Variants in BGN observed in about 807,000 individuals in gnomAD.
BGN encodes biglycan, also known as bone/cartilage proteoglycan-I.
A neutral mutation model predicts 20.0 loss-of-function variants in BGN; 6 were observed. That is an observed-to-expected ratio of 0.30 (90% CI 0.16 to 0.59). The LOEUF (loss-of-function observed/expected upper bound fraction) is 0.59. Ranked by LOEUF, BGN falls within the 20% of genes least tolerant of loss-of-function variation. BGN has a pLI of 0.88. For missense variants in BGN, 292 were observed against 312.1 expected, an observed-to-expected ratio of 0.94 and a Z score of 0.49; for synonymous variants, 146 against 134.6, an observed-to-expected ratio of 1.08 and a Z score of -0.59.
intron 4 of BGN, 96 bp downstream of exon 4, chrX:153,506,172 A>G: frequency 1.1e-6 from 1 of 888,972 alleles, no homozygotes; most frequent in Non-Finnish European, 1.6e-6. Context: ...TTCAAGAAAG[A>G]GTATGGTGAG....
At chrX:153,501,139 TGTGTGC>T (rs1382939525) in intron 1 of BGN, among the ~76,000 whole-genome samples, 2 of 111,999 alleles carry the variant, frequency 1.8e-5, no homozygotes, top group Non-Finnish European at 3.8e-5. Flanking sequence ...TTTGTATAGG[TGTGTGC>T]GTGTGCACGT....
At chrX:153,503,116 G>A (rs1376759082) in intron 1 of BGN, among the ~76,000 whole-genome samples, 3 of 112,878 alleles carry the variant, frequency 2.7e-5, no homozygotes, top group Non-Finnish European at 5.6e-5. Flanking sequence ...TCAGGCCCCC[G>A]GCCCGCTGGT....
At chrX:153,503,773 C>T (rs1419274895) in intron 1 of BGN, among the ~76,000 whole-genome samples, 1 of 111,801 alleles carries the variant, frequency 8.9e-6, no homozygotes, top group Admixed American at 9.3e-5. Flanking sequence ...GCAGCCTGCT[C>T]CCCTGGGGGG....
chrX:153,508,591 C>G lies in BGN; in HGVS notation c.*146C>G, dbSNP rs1266985313. The G allele has an allele frequency of 1.5e-6, 1 of 678,490 alleles. No individual in the cohort carries two copies. The highest frequency in any genetic ancestry group is 2.2e-6 in the Non-Finnish European group (1 of 463,043). 55.9% of individuals were successfully genotyped at this position (678,490 alleles called of 1,213,427 possible). A position where few individuals can be genotyped will look rare whatever the true frequency, so the allele number is the denominator to read the frequency against. ...CCACCTCGGGTCCCTGACCCCAGCT[C>G]GATGCCCCATCACCGCCTCTCCCTG... On this transcript the variant is annotated 3_prime_UTR_variant, in exon 8 of 8. Coordinates refer to ENST00000331595, the MANE Select transcript of BGN (RefSeq NM_001711.6).
intron 7 of BGN, 53 bp downstream of exon 7, chrX:153,507,238 G>C: frequency 1.7e-6 from 2 of 1,147,515 alleles, no homozygotes; most frequent in Non-Finnish European, 2.3e-6. Flanking sequence ...TGGGGGAGGC[G>C]TGTGTGTCCC....
intron 1 of BGN, among the ~76,000 whole-genome samples, chrX:153,500,651 G>A (rs1221434144): frequency 8.8e-6 from 1 of 113,053 alleles, no homozygotes; most frequent in Non-Finnish European, 1.9e-5. Context: ...ATGTGTGCAT[G>A]TATGTGTGTA....
intron 2 of BGN, 60 bp from the exon 3 acceptor site, chrX:153,505,178 T>G: frequency 2.1e-6 from 2 of 935,555 alleles, no homozygotes; most frequent in Admixed American, 5.1e-5. Context: ...TTCATGCTGG[T>G]GGTGGGGGTG....
At chrX:153,508,224 G>C in intron 7 of BGN, 24 bp from the exon 8 acceptor site, 2 of 1,206,228 alleles carry the variant, frequency 1.7e-6, no homozygotes, top group Non-Finnish European at 2.2e-6. Context: ...GAGGCCTGCC[G>C]TGACCCGGCC....
chrX:153,506,098 A>G, intron 4 of BGN, 22 bp downstream of exon 4: 1 of 1,191,452 alleles, frequency 8.4e-7, no homozygotes, highest in South Asian at 1.8e-5. Flanking sequence ...GCCTCCCAGA[A>G]CATTCCAGAG....
intron 7 of BGN, 81 bp downstream of exon 7, chrX:153,507,266 C>G (rs782166548): frequency 3.2e-5 from 35 of 1,080,211 alleles, no homozygotes; most frequent in Non-Finnish European, 3.9e-5. Context: ...TCCCTCAGTC[C>G]CCTGGCCCTC....
chrX:153,506,409 C>T (rs1393836037), intron 4 of BGN, 120 bp from the exon 5 acceptor site: 2 of 651,535 alleles, frequency 3.1e-6, no homozygotes, highest in Non-Finnish European at 4.7e-6. Context: ...AGCAGAACTG[C>T]TTTCAGGAGA....
Position 153,508,487 on chromosome X carries a change from G to C in BGN, c.*42G>C. ...CGCGGGGCCTCAGTGGGGGTCTCTG[G>C]GGAACACAGCCAGACATCCTGATGG... On this transcript the variant is annotated 3_prime_UTR_variant, in exon 8 of 8. Coordinates refer to ENST00000331595, the MANE Select transcript of BGN (RefSeq NM_001711.6). 8.5e-7 allele frequency: 1 copy of C among 1,176,676 alleles called. No homozygotes were observed. Among genetic ancestry groups the C allele is most frequent in the Admixed American group, 2.2e-5 (1 of 45,161 alleles).
At chrX:153,503,388 C>T (rs2089774833) in intron 1 of BGN, among the ~76,000 whole-genome samples, 1 of 112,411 alleles carries the variant, frequency 8.9e-6, no homozygotes, top group South Asian at 3.7e-4. Flanking sequence ...TTCAGGTCTG[C>T]CAGAGGCCCC....
At chrX:153,501,265 G>T (rs1309580720) in intron 1 of BGN, among the ~76,000 whole-genome samples, 1 of 112,422 alleles carries the variant, frequency 8.9e-6, no homozygotes, top group Non-Finnish European at 1.9e-5. Context: ...GGTGTGAGGT[G>T]GTGGGGAGAA....
intron 1 of BGN, 62 bp downstream of exon 1, chrX:153,495,175 C>CGCTGTCCCAAGCCCTGGTCCT (rs2089701634): frequency 9.0e-6 from 1 of 111,005 alleles, no homozygotes; most frequent in African/African-American, 3.3e-5. Flanking sequence ...CTGCTGCCTC[C>CGCTGTCCCAAGCCCTGGTCCT]GCTGTCCCAA....
chrX:153,504,362 G>A (rs1556992529), intron 1 of BGN, among the ~76,000 whole-genome samples: 1 of 112,257 alleles, frequency 8.9e-6, no homozygotes, highest in Non-Finnish European at 1.9e-5. Context: ...GCCAAGTCCT[G>A]TCCGGGATGG....
intron 5 of BGN, 58 bp downstream of exon 5, chrX:153,506,697 C>A: frequency 8.6e-7 from 1 of 1,159,118 alleles, no homozygotes; most frequent in Non-Finnish European, 1.2e-6. Context: ...GCACAGATGG[C>A]CAGGGTGGGG....
intron 1 of BGN, among the ~76,000 whole-genome samples, chrX:153,496,710 G>T (rs2089717406): frequency 8.9e-6 from 1 of 112,260 alleles, no homozygotes; most frequent in African/African-American, 3.2e-5. Flanking sequence ...GAAAGGAAGG[G>T]GGGTGTTTCC....
At chrX:153,504,517 G>T in intron 1 of BGN, 104 bp from the exon 2 acceptor site, 3 of 696,700 alleles carry the variant, frequency 4.3e-6, no homozygotes, top group Non-Finnish European at 6.3e-6. Context: ...CGTCCCTGGT[G>T]AGGGATGGGA....
Sources: gnomAD v4.1 joint callset for allele counts (sites outside exome capture counted in the v4.1 genomes callset) on GRCh38, gnomAD v4.1.1 for gene constraint, MANE v1.5 for transcripts, NCBI Gene and HGNC (gene_info 2026-07-23, HGNC 2026-07-21) for gene names.